The following FHIT variants were observed in gnomAD, a reference collection of about 807,000 sequenced individuals.
FHIT encodes bis(5'-adenosyl)-triphosphatase.
In FHIT, 19 loss-of-function variants were observed where a neutral mutation model predicts 17.9. The observed-to-expected ratio is 1.06, with a 90% CI of 0.74 to 1.56. The LOEUF (loss-of-function observed/expected upper bound fraction) is 1.56, where lower values mean the gene tolerates loss of function less well. Ranked by LOEUF, FHIT falls within the 40% of genes most tolerant of loss-of-function variation. The pLI is 0.00. For synonymous variants in FHIT, 81 were observed against 69.7 expected, an observed-to-expected ratio of 1.16 and a Z score of -0.81; for missense variants, 248 against 189.2, an observed-to-expected ratio of 1.31 and a Z score of -1.82.
At chr3:60,089,051 T>C (rs1043534026) in intron 5 of FHIT, among the ~76,000 whole-genome samples, 1 of 152,200 alleles carries the variant, frequency 6.6e-6, no homozygotes, top group African/African-American at 2.4e-5. Flanking sequence ...CCAACGCTAA[T>C]GGCAAGGGCA....
chr3:59,986,363 C>T (rs1708901334), intron 7 of FHIT, among the ~76,000 whole-genome samples: 1 of 150,928 alleles, frequency 6.6e-6, no homozygotes, highest in Admixed American at 6.7e-5. Flanking sequence ...CAAATACTGT[C>T]TTTTCTCCAA....
chr3:61,217,035 C>G (rs1342139513), intron 1 of FHIT, among the ~76,000 whole-genome samples: 1 of 151,560 alleles, frequency 6.6e-6, no homozygotes, highest in Non-Finnish European at 1.5e-5. Context: ...AGGAGATATG[C>G]CTAATGCTAA....
At chr3:60,499,470 T>C (rs58988599) in intron 5 of FHIT, among the ~76,000 whole-genome samples, 24,392 of 151,914 alleles carry the variant, frequency 0.16, 2,310 homozygotes, top group African/African-American at 0.25. Context: ...CGGCTCACTT[T>C]AAGCTCCTCC....
intron 5 of FHIT, among the ~76,000 whole-genome samples, chr3:60,123,967 A>AAAATAT (rs1324108056): frequency 1.1e-4 from 3 of 27,788 alleles, no homozygotes; most frequent in African/African-American, 4.3e-4. Flanking sequence ...ATGCACTAAA[A>AAAATAT]ATATATATAT....
At chr3:59,973,112 G>A (rs535737965) in intron 7 of FHIT, among the ~76,000 whole-genome samples, 3 of 152,116 alleles carry the variant, frequency 2.0e-5, no homozygotes, top group African/African-American at 2.4e-5. Context: ...TTCCCATGAT[G>A]GCAATTACTG....
At chr3:60,462,725 AAGGAAAGAC>A (rs2032552200) in intron 5 of FHIT, among the ~76,000 whole-genome samples, 1 of 152,126 alleles carries the variant, frequency 6.6e-6, no homozygotes, top group Non-Finnish European at 1.5e-5. Flanking sequence ...CCAGGCGGAC[AAGGAAAGAC>A]AGGAAGGTGC....
At chr3:60,792,381 G>A (rs1553728783) in intron 4 of FHIT, among the ~76,000 whole-genome samples, 1 of 152,162 alleles carries the variant, frequency 6.6e-6, no homozygotes. Context: ...GAGAGAATAT[G>A]TTACAGTTAA....
At chr3:60,441,808 A>T (rs1190231415) in intron 5 of FHIT, among the ~76,000 whole-genome samples, 9 of 100,122 alleles carry the variant, frequency 9.0e-5, no homozygotes, top group African/African-American at 3.8e-4. Flanking sequence ...ATATATATAT[A>T]TATATATCAG....
At chr3:59,902,185 C>A (rs893829813) in intron 8 of FHIT, among the ~76,000 whole-genome samples, 12 of 152,208 alleles carry the variant, frequency 7.9e-5, no homozygotes, top group Non-Finnish European at 1.6e-4. Flanking sequence ...AAATAGCCAA[C>A]AGGTTTATAA....
At chr3:60,196,786 A>G (rs1458429270) in intron 5 of FHIT, among the ~76,000 whole-genome samples, 2 of 150,970 alleles carry the variant, frequency 1.3e-5, no homozygotes, top group African/African-American at 4.9e-5. Flanking sequence ...TATCATACAT[A>G]TATACAATAT....
intron 5 of FHIT, among the ~76,000 whole-genome samples, chr3:60,099,900 A>C (rs970507410): frequency 6.6e-6 from 1 of 152,192 alleles, no homozygotes; most frequent in Non-Finnish European, 1.5e-5. Flanking sequence ...AGCAGATATT[A>C]AAGTATTTTT....
intron 5 of FHIT, among the ~76,000 whole-genome samples, chr3:60,136,539 C>G (rs779968510): frequency 7.2e-5 from 11 of 152,120 alleles, no homozygotes; most frequent in Non-Finnish European, 1.6e-4. Flanking sequence ...CCCACAACTC[C>G]GTTTCATGAG....
chr3:59,969,275 A>G (rs187268741), intron 7 of FHIT, among the ~76,000 whole-genome samples: 57 of 152,200 alleles, frequency 3.7e-4, no homozygotes, highest in Non-Finnish European at 4.4e-5. Context: ...AAAAATACAA[A>G]TTAATCACAT....
In FHIT at chr3:59,747,744, C is replaced by T. The variant is rs1221247989; in HGVS notation, c.*1841G>A. Among the ~76,000 whole-genome samples the T allele has an allele frequency of 6.6e-6, 1 of 151,858 alleles. No individual in the cohort carries two copies. The highest frequency in any genetic ancestry group is 2.4e-5 in the African/African-American group (1 of 41,332). On this transcript the variant is annotated 3_prime_UTR_variant, in exon 10 of 10. Coordinates refer to ENST00000492590, the MANE Select transcript of FHIT (RefSeq NM_002012.4). Reference sequence around the variant, plus strand: ...GACCCATCAGCCCTAGGGAAGCTGACTCTTTGGTTTTCCCCCATGCACCTT... The same window carrying T: ...GACCCATCAGCCCTAGGGAAGCTGATTCTTTGGTTTTCCCCCATGCACCTT...
intron 3 of FHIT, among the ~76,000 whole-genome samples, chr3:60,840,918 C>A (rs1295575570): frequency 6.6e-6 from 1 of 152,088 alleles, no homozygotes; most frequent in East Asian, 1.9e-4. Context: ...TAAGCAAATG[C>A]AATTATATGA....
At chr3:60,795,640 G>T (rs1238850428) in intron 4 of FHIT, among the ~76,000 whole-genome samples, 1 of 151,902 alleles carries the variant, frequency 6.6e-6, no homozygotes, top group African/African-American at 2.4e-5. Context: ...TTAGCCTCTT[G>T]AGTAGTTGGG....
intron 3 of FHIT, among the ~76,000 whole-genome samples, chr3:61,008,559 G>A (rs1559905813): frequency 6.7e-6 from 1 of 149,870 alleles, no homozygotes; most frequent in Admixed American, 6.7e-5. Flanking sequence ...TTGTGTTTGT[G>A]CAACAGTTAT....
At chr3:60,249,817 G>A (rs1224523917) in intron 5 of FHIT, among the ~76,000 whole-genome samples, 1 of 152,064 alleles carries the variant, frequency 6.6e-6, no homozygotes, top group East Asian at 1.9e-4. Context: ...ATAAAGGAAA[G>A]AGATTTAGTG....
chr3:61,046,083 G>C (rs2033771285), intron 2 of FHIT, among the ~76,000 whole-genome samples: 2 of 152,216 alleles, frequency 1.3e-5, no homozygotes, highest in South Asian at 4.1e-4. Flanking sequence ...AAAAGAACTA[G>C]AGAAGCAAGG....
Sources: allele counts gnomAD v4.1 joint callset (sites outside exome capture counted in the v4.1 genomes callset), GRCh38; gene constraint gnomAD v4.1.1; transcripts MANE v1.5; gene names NCBI Gene and HGNC (gene_info 2026-07-23, HGNC 2026-07-21).